SFMBT1: variants seen among roughly 807,000 people sequenced by gnomAD.
SFMBT1 encodes the protein scm-like with four MBT domains protein 1.
Under a neutral mutation model 108.7 loss-of-function variants are expected in SFMBT1, and 32 were observed. The observed-to-expected ratio is 0.29, with a 90% confidence interval of 0.22 to 0.40. The LOEUF (loss-of-function observed/expected upper bound fraction) is 0.40, where lower values mean the gene tolerates loss of function less well. SFMBT1 is among the 10% of genes least tolerant of loss of function. The probability of loss-of-function intolerance (pLI) is 1.00; values close to 1 mark genes in which losing one functional copy is unlikely to be tolerated. For synonymous variants in SFMBT1, 348 were observed against 369.5 expected, an observed-to-expected ratio of 0.94 and a Z score of 0.67; for missense variants, 816 against 1,059.6, an observed-to-expected ratio of 0.77 and a Z score of 3.19.
At chr3:52,999,125 AAGGCCGTCATGGAGATCC>A (rs1424253340) in intron 1 of SFMBT1, among the ~76,000 whole-genome samples, 2 of 150,786 alleles carry the variant, frequency 1.3e-5, no homozygotes, top group Admixed American at 1.3e-4. Flanking sequence ...GCCCAGTACA[AAGGCCGTCATGGAGATCC>A]AGGCCTTCGC....
intron 1 of SFMBT1, among the ~76,000 whole-genome samples, chr3:52,998,220 G>A (rs1051676175): frequency 4.0e-5 from 6 of 149,846 alleles, no homozygotes; most frequent in South Asian, 2.1e-4. Context: ...GAGAAACCCC[G>A]TCTCTACTAA....
chr3:53,026,937 C>T (rs895271867), intron 1 of SFMBT1, among the ~76,000 whole-genome samples: 1 of 152,068 alleles, frequency 6.6e-6, no homozygotes, highest in South Asian at 2.1e-4. Flanking sequence ...ATCGTGCCAC[C>T]GCACCTGGCT....
intron 10 of SFMBT1, among the ~76,000 whole-genome samples, chr3:52,924,370 A>C (rs1227671315): frequency 1.3e-5 from 2 of 152,178 alleles, no homozygotes; most frequent in African/African-American, 2.4e-5. Flanking sequence ...AGGCCGGCAC[A>C]GTGGCTCACA....
At chr3:52,917,101 A>C (rs1702379547) in intron 13 of SFMBT1, among the ~76,000 whole-genome samples, 1 of 74,460 alleles carries the variant, frequency 1.3e-5, no homozygotes, top group Non-Finnish European at 3.4e-5. Context: ...ATCCAAGGTC[A>C]GTCTTTTTTT....
chr3:52,952,731 T>G (rs1272863778), intron 3 of SFMBT1, among the ~76,000 whole-genome samples: 1 of 152,170 alleles, frequency 6.6e-6, no homozygotes, highest in Non-Finnish European at 1.5e-5. Flanking sequence ...ATCCCATTCA[T>G]GAGAAAAAAC....
chr3:52,985,734 G>C (rs765958131), intron 1 of SFMBT1, among the ~76,000 whole-genome samples: 1 of 152,196 alleles, frequency 6.6e-6, no homozygotes, highest in Non-Finnish European at 1.5e-5. Context: ...GCTATACGGT[G>C]TAGCCTATTG....
At chr3:53,004,529 C>A (rs953071968) in intron 1 of SFMBT1, among the ~76,000 whole-genome samples, 1 of 150,008 alleles carries the variant, frequency 6.7e-6, no homozygotes, top group Admixed American at 6.7e-5. Context: ...GCCTCGGCCT[C>A]CCAGAGTGCT....
At chr3:53,022,193 T>C (rs1162768567) in intron 1 of SFMBT1, among the ~76,000 whole-genome samples, 1 of 152,166 alleles carries the variant, frequency 6.6e-6, no homozygotes, top group Non-Finnish European at 1.5e-5. Flanking sequence ...TTCACACCTG[T>C]AATCCCAGTG....
At chr3:52,962,956 G>T (rs1055083208) in intron 2 of SFMBT1, among the ~76,000 whole-genome samples, 1 of 150,096 alleles carries the variant, frequency 6.7e-6, no homozygotes, top group African/African-American at 2.4e-5. Flanking sequence ...AAAAGAGAAA[G>T]AATTAGTAAT....
At chr3:53,040,669 A>G (rs1015188081) in intron 1 of SFMBT1, among the ~76,000 whole-genome samples, 8 of 151,672 alleles carry the variant, frequency 5.3e-5, no homozygotes, top group Non-Finnish European at 1.2e-4. Flanking sequence ...ACTGTGCATC[A>G]TGTTGGAAAT....
intron 1 of SFMBT1, among the ~76,000 whole-genome samples, chr3:53,039,062 G>A (rs61437303): frequency 0.045 from 6,908 of 152,186 alleles, 448 homozygotes; most frequent in South Asian, 0.18. Flanking sequence ...TTGCTTTTAT[G>A]TTCTCCTTGT....
chr3:52,933,508 C>G (rs960545048), intron 5 of SFMBT1, among the ~76,000 whole-genome samples: 1 of 151,764 alleles, frequency 6.6e-6, no homozygotes, highest in African/African-American at 2.4e-5. Context: ...ACTTACATAT[C>G]CAGATATGCA....
chr3:52,941,997 G>A (rs2106812903), intron 4 of SFMBT1, among the ~76,000 whole-genome samples: 1 of 152,234 alleles, frequency 6.6e-6, no homozygotes, highest in Middle Eastern at 3.4e-3. Context: ...TCATGCCTGT[G>A]GTACTAGCTA....
chr3:52,974,733 G>A (rs1704457793), intron 1 of SFMBT1, among the ~76,000 whole-genome samples: 1 of 150,608 alleles, frequency 6.6e-6, no homozygotes, highest in Middle Eastern at 3.4e-3. Context: ...GCTCACGCCT[G>A]TAATCCCAGC....
chr3:52,944,220 A>G lies in SFMBT1; in HGVS notation c.124-627T>C, dbSNP rs190729597. ...ACATTAAATAAATATACTATGAATA[A>G]TAAGAGCCAGGTTTCTCACCATGGG... On this transcript the variant is annotated intron_variant, in intron 3 of 20. Transcript: ENST00000394752. Among the ~76,000 whole-genome samples, 12 of 152,358 alleles carry G rather than the reference A, an allele frequency of 7.9e-5. 1 individual carries two copies. The highest frequency in any genetic ancestry group is 1.9e-4 in the African/African-American group (8 of 41,582).
At chr3:52,923,658 G>A (rs552840251) in intron 10 of SFMBT1, among the ~76,000 whole-genome samples, 97 of 151,542 alleles carry the variant, frequency 6.4e-4, no homozygotes, top group Non-Finnish European at 1.1e-3. Flanking sequence ...AAGGAAGGCC[G>A]AAAGACAAAG....
intron 1 of SFMBT1, among the ~76,000 whole-genome samples, chr3:53,034,950 A>G (rs1459495267): frequency 1.3e-5 from 2 of 152,182 alleles, no homozygotes; most frequent in African/African-American, 2.4e-5. Flanking sequence ...AAATAATGAT[A>G]ATAATAATTT....
At chr3:52,966,674 A>G (rs1704162814) in intron 2 of SFMBT1, among the ~76,000 whole-genome samples, 2 of 151,340 alleles carry the variant, frequency 1.3e-5, no homozygotes, top group Non-Finnish European at 2.9e-5. Flanking sequence ...CTAAATAGAA[A>G]TGAAGTGACA....
chr3:52,989,158 T>C (rs977420565), intron 1 of SFMBT1, among the ~76,000 whole-genome samples: 18 of 152,194 alleles, frequency 1.2e-4, no homozygotes, highest in African/African-American at 4.1e-4. Context: ...TAAATTATTA[T>C]TTTGTGAACT....
Sources: gnomAD v4.1 joint callset for allele counts (sites outside exome capture counted in the v4.1 genomes callset) on GRCh38, gnomAD v4.1.1 for gene constraint, MANE v1.5 for transcripts, NCBI Gene and HGNC (gene_info 2026-07-23, HGNC 2026-07-21) for gene names.